Variants in CCDC102A observed in about 807,000 individuals in gnomAD.
The protein encoded by CCDC102A is coiled-coil domain containing 102A.
In CCDC102A, 40 loss-of-function variants were observed where a neutral mutation model predicts 55.5. The ratio of observed to expected loss-of-function variants is 0.72; its 90% CI spans 0.56 to 0.94. The LOEUF (loss-of-function observed/expected upper bound fraction) is 0.94. CCDC102A is among the 40% of genes least tolerant of loss of function. The pLI, the probability that CCDC102A is intolerant of heterozygous loss-of-function variation, is 0.00. For synonymous variants in CCDC102A, 323 were observed against 339.0 expected, an observed-to-expected ratio of 0.95 and a Z score of 0.52; for missense variants, 779 against 768.6, an observed-to-expected ratio of 1.01 and a Z score of -0.16.
Position 57,528,748 on chromosome 16 carries a change from G to T in CCDC102A, c.430C>A (p.Gln144Lys). ...GCCTCGCACTCGCCCTGCGCCTCTT[G>T]GCGCTCGCGCCGTGCGCCCGCCAGC... ...KELAGARRER[Q>K]EAQGECEARG... Residue 144 changes from glutamine to lysine, a missense_variant, in exon 2 of 9, where the codon CAA (glutamine) becomes AAA (lysine). Gln to Lys is a moderately conservative substitution (Grantham distance 53). Coordinates refer to ENST00000258214, the MANE Select transcript of CCDC102A (RefSeq NM_033212.4). The T allele has an allele frequency of 8.5e-7, 1 of 1,175,642 alleles. No individual in the cohort carries two copies. The highest frequency in any genetic ancestry group is 2.3e-5 in the South Asian group (1 of 43,344). The allele number at this position is 1,175,642 out of a possible 1,614,324, so 72.8% of individuals were successfully genotyped here.
Position 57,528,947 on chromosome 16 carries a change from C to T in CCDC102A, c.231G>A (p.Leu77=). 7.2e-7 allele frequency: 1 copy of T among 1,386,520 alleles called. No individual in the cohort carries two copies. 85.9% of individuals were successfully genotyped at this position (1,386,520 alleles called of 1,614,324 possible). A position where few individuals can be genotyped will look rare whatever the true frequency, so the allele number is the denominator to read the frequency against. ...GDWESREELR[L]RELEEARARA... ...GCGCCCGCGCCTCCTCCAGCTCCCG[C>T]AGCCGCAGCTCCTCGCGGCTCTCCC... Residue 77 remains leucine (L), a synonymous_variant, in exon 2 of 9, where the codon CTG becomes CTA. Transcript: ENST00000258214.
At position 57,518,750 on chromosome 16, in the gene CCDC102A, A is replaced by G. The variant is rs2032000776; in HGVS notation, c.922-9T>C. ...TCCTTCAGGATGCTGAGCTGCAGGG[A>G]TAAGGCCCCACCTGGTCATGAGAAC... On this transcript the variant is annotated splice_polypyrimidine_tract_variant and intron_variant, in intron 4 of 8. Transcript: ENST00000258214. 6.3e-7 allele frequency: 1 copy of G among 1,589,572 alleles called. No individual in the cohort carries two copies. Among genetic ancestry groups the G allele is most frequent in the Non-Finnish European group, 8.6e-7 (1 of 1,166,012 alleles).
Position 57,512,579 on chromosome 16 carries a change from T to C in CCDC102A, c.*162A>G. 1 of 774,534 alleles carries C rather than the reference T, an allele frequency of 1.3e-6. No homozygotes were observed. The highest frequency in any genetic ancestry group is 2.1e-6 in the Non-Finnish European group (1 of 484,518). The allele number at this position is 774,534 out of a possible 1,614,324, so 48.0% of individuals were successfully genotyped here. A position where few individuals can be genotyped will look rare whatever the true frequency, so the allele number is the denominator to read the frequency against. On this transcript the variant is annotated 3_prime_UTR_variant, in exon 9 of 9. Transcript: ENST00000258214. ...CATAGGCTTCCTTTCCACAGGGCGT[T>C]GGTAGGTGGGACTGTTGACGCCATC...
In CCDC102A at chr16:57,516,495, G is replaced by T; in HGVS notation, c.1249-32C>A. The T allele has an allele frequency of 6.3e-7, 1 of 1,588,154 alleles. No homozygotes were observed. Among genetic ancestry groups the T allele is most frequent in the Non-Finnish European group, 8.6e-7 (1 of 1,167,912 alleles). On this transcript the variant is annotated intron_variant, in intron 6 of 8. Transcript: ENST00000258214. This position sits in a 1 kb window ranked among gnomAD's most constrained non-coding sequence, Gnocchi z 4.4. ...GGCACAGGGATGGGGTGGGAGGGAGGAGGGAATCAGTATCAGCTTGGGCGC... is the reference window on the plus strand; with the variant it reads ...GGCACAGGGATGGGGTGGGAGGGAGTAGGGAATCAGTATCAGCTTGGGCGC...
In CCDC102A at chr16:57,518,262, C is replaced by T. The variant is rs778126878; in HGVS notation, c.1054G>A (p.Ala352Thr). 2 of 1,609,352 alleles carry T rather than the reference C, an allele frequency of 1.2e-6. No homozygotes were observed. The highest frequency in any genetic ancestry group is 4.5e-5 in the East Asian group (2 of 44,878). The change falls in exon 6 of 9, where the codon GCC becomes ACC. Residue 352 changes from alanine to threonine, a missense_variant. By Grantham distance (58) the Ala-to-Thr change is moderately conservative (BLOSUM62 0). Transcript: ENST00000258214. ...ELRGEMERLQAENAAEWGRRE... is the reference protein window; with the variant it reads ...ELRGEMERLQTENAAEWGRRE... ...CGGCCCCACTCCGCAGCGTTTTCGG[C>T]CTGCAGCCGCTCCATCTGCAGCAGG... is the stretch of plus-strand genomic sequence containing the variant.
chr16:57,528,878 G>T lies in CCDC102A; in HGVS notation c.300C>A (p.Cys100Ter). ...TCCATTTCTCGCGCCAATTGGCAGT[G>T]CAGTCCGACCACCGGCGCATGGTCT... Reference protein sequence around the residue: ...MEKTMRRWSDCTANWREKWSK... With the variant: ...MEKTMRRWSD The change falls in exon 2 of 9, where the codon TGC becomes TGA. Residue 100 changes from cysteine (C) to a stop codon, truncating the protein, a stop_gained. Transcript: ENST00000258214. LOFTEE classifies it high-confidence loss of function. 7.2e-7 allele frequency: 1 copy of T among 1,382,470 alleles called. No individual in the cohort carries two copies. The allele number at this position is 1,382,470 out of a possible 1,614,324, so 85.6% of individuals were successfully genotyped here.
intron 4 of CCDC102A, among the ~76,000 whole-genome samples, chr16:57,520,595 A>ACAAAAC (rs1555519315): frequency 8.2e-6 from 1 of 121,582 alleles, no homozygotes; most frequent in African/African-American, 3.3e-5. Flanking sequence ...ACATAACATA[A>ACAAAAC]ATAAAATAAA....
At chr16:57,519,125 G>A (rs1211354367) in intron 4 of CCDC102A, among the ~76,000 whole-genome samples, 5 of 151,998 alleles carry the variant, frequency 3.3e-5, no homozygotes, top group Non-Finnish European at 5.9e-5. Flanking sequence ...AGCCCTGCAC[G>A]ATTGGACACC....
At position 57,525,998 on chromosome 16, in the gene CCDC102A, A is replaced by C; in HGVS notation, c.715T>G (p.Trp239Gly). Residue 239 changes from tryptophan to glycine, a missense_variant, in exon 3 of 9, where the codon TGG becomes GGG. By Grantham distance (184) the Trp-to-Gly change is radical. Coordinates refer to ENST00000258214, the MANE Select transcript of CCDC102A (RefSeq NM_033212.4). ...TCCTCCGTGGCAGCTGTGTCCTCCC[A>C]GGGTAGCCGGCTGCGCTCCTGGCGG... is the stretch of plus-strand genomic sequence containing the variant. The part of the protein sequence containing the change: ...SGRQERSRLP[W>G]EDTAATEEEA... 6.2e-7 allele frequency: 1 copy of C among 1,609,138 alleles called. No individual in the cohort carries two copies. The highest frequency in any genetic ancestry group is 1.1e-5 in the South Asian group (1 of 90,754).
At position 57,526,252 on chromosome 16, in the gene CCDC102A, T is replaced by C. The variant is rs890278733; in HGVS notation, c.586-125A>G. ...TCTGGGCCTCAGTTTCCTCTTCTGC[T>C]GCCTGCCTCTCCATCTCTGGAGAAG... On this transcript the variant is annotated intron_variant, in intron 2 of 8. Coordinates refer to ENST00000258214, the MANE Select transcript of CCDC102A (RefSeq NM_033212.4). 7.5e-6 allele frequency: 5 copies of C among 663,628 alleles called. No individual in the cohort carries two copies. The East Asian group carries it at 1.2e-4, about 16-fold the overall frequency. 41.1% of individuals were successfully genotyped at this position (663,628 alleles called of 1,614,324 possible).
rs767427086 is a variant in CCDC102A at position 57,526,110 on chromosome 16, C to G, written c.603G>C (p.Glu201Asp). 6 of 1,549,404 alleles carry G rather than the reference C, an allele frequency of 3.9e-6. No homozygotes were observed. Among genetic ancestry groups the G allele is most frequent in the Non-Finnish European group, 5.2e-6 (6 of 1,155,382 alleles). The change falls in exon 3 of 9, where the codon GAG (glutamate) becomes GAC (aspartate). Residue 201 changes from glutamate to aspartate, a missense_variant. Coordinates refer to ENST00000258214, the MANE Select transcript of CCDC102A (RefSeq NM_033212.4). ...PPGSQELELV[E>D]SLLKSMPEES... Reference sequence around the variant, plus strand: ...CCTCTGGCATGCTCTTCAGCAGGCTCTCCACCAGCTCCAGTTCCTGCGGGG... The same window carrying G: ...CCTCTGGCATGCTCTTCAGCAGGCTGTCCACCAGCTCCAGTTCCTGCGGGG...
Position 57,529,204 on chromosome 16 carries a change from G to A in CCDC102A, c.-27C>T. On this transcript the variant is annotated 5_prime_UTR_variant, in exon 2 of 9. Coordinates refer to ENST00000258214, the MANE Select transcript of CCDC102A (RefSeq NM_033212.4). The surrounding 1 kb of genome is among the most constrained non-coding windows in gnomAD (Gnocchi z 4.1). ...GTGCGGCCGGGCGGGCCCTGAGCTCGAACTCGCGGTCGGGCTCAGGGGCGG... is the reference window on the plus strand; with the variant it reads ...GTGCGGCCGGGCGGGCCCTGAGCTCAAACTCGCGGTCGGGCTCAGGGGCGG... The A allele has an allele frequency of 8.6e-7, 1 of 1,164,162 alleles. No individual in the cohort carries two copies. Among genetic ancestry groups the A allele is most frequent in the Non-Finnish European group, 1.1e-6 (1 of 943,760 alleles). 72.1% of individuals were successfully genotyped at this position (1,164,162 alleles called of 1,614,324 possible). A position where few individuals can be genotyped will look rare whatever the true frequency, so the allele number is the denominator to read the frequency against.
intron 8 of CCDC102A, among the ~76,000 whole-genome samples, chr16:57,513,825 C>T (rs921451277): frequency 6.6e-5 from 10 of 152,206 alleles, no homozygotes; most frequent in Non-Finnish European, 7.3e-5. Context: ...ATGGGGAAAT[C>T]GAGGCTCAGT....
Position 57,522,420 on chromosome 16 carries a change from C to T in CCDC102A, c.813-1244G>A, listed in dbSNP as rs530132888. ...TACCTCCCTCCTGCTGTACCCCAGG[C>T]TCATCTCTTAAAGACTACCCTGTTC... On this transcript the variant is annotated intron_variant, in intron 3 of 8. Coordinates refer to ENST00000258214, the MANE Select transcript of CCDC102A (RefSeq NM_033212.4). Among the ~76,000 whole-genome samples the T allele has an allele frequency of 3.4e-4, 52 of 152,270 alleles. No homozygotes were observed. The South Asian group carries it at 0.011, about 31-fold the overall frequency.
chr16:57,531,522 T>C (rs2032262898), intron 1 of CCDC102A, among the ~76,000 whole-genome samples: 1 of 152,060 alleles, frequency 6.6e-6, no homozygotes, highest in Admixed American at 6.5e-5. Flanking sequence ...CTCCTTCAAA[T>C]CCATTCTCAA....
At chr16:57,523,588 C>T (rs1195413856) in intron 3 of CCDC102A, among the ~76,000 whole-genome samples, 1 of 152,120 alleles carries the variant, frequency 6.6e-6, no homozygotes, top group East Asian at 1.9e-4. Context: ...TCAAGCGATC[C>T]TCCCGCCTCA....
chr16:57,526,241 T>G, intron 2 of CCDC102A, 114 bp from the exon 3 acceptor site: 1 of 722,030 alleles, frequency 1.4e-6, no homozygotes, highest in Non-Finnish European at 2.2e-6. Flanking sequence ...GGCCTCAGTT[T>G]CCTCTTCTGC....
At position 57,516,786 on chromosome 16, in the gene CCDC102A, A is replaced by G. The variant is rs943848280; in HGVS notation, c.1249-323T>C. ...GTTTCCGGGGAAGGATGAGGTCTGG[A>G]GTCTTCAGGGGCGTATGGCATTGAA... On this transcript the variant is annotated intron_variant, in intron 6 of 8. Transcript: ENST00000258214. This position sits in a 1 kb window ranked among gnomAD's most constrained non-coding sequence, Gnocchi z 4.4. Among the ~76,000 whole-genome samples the G allele has an allele frequency of 2.6e-5, 4 of 151,800 alleles. No homozygotes were observed. Among genetic ancestry groups the G allele is most frequent in the Non-Finnish European group, 4.4e-5 (3 of 67,954 alleles).
At chr16:57,519,240 G>A (rs1427026715) in intron 4 of CCDC102A, among the ~76,000 whole-genome samples, 2 of 152,208 alleles carry the variant, frequency 1.3e-5, no homozygotes, top group Non-Finnish European at 2.9e-5. Flanking sequence ...TTGCACATGC[G>A]TGGATCTTTC....
Sources: gnomAD v4.1 joint callset for allele counts (sites outside exome capture counted in the v4.1 genomes callset) on GRCh38, gnomAD v4.1.1 for gene constraint, Gnocchi (gnomAD v3.1) non-coding constraint, MANE v1.5 for transcripts, NCBI Gene and HGNC (gene_info 2026-07-23, HGNC 2026-07-21) for gene names.